PSEN1: variants seen among roughly 807,000 people sequenced by gnomAD.
The protein encoded by PSEN1 is presenilin-1.
In PSEN1, 15 loss-of-function variants were observed where a neutral mutation model predicts 53.5. The observed-to-expected ratio is 0.28, with a 90% CI of 0.19 to 0.43. PSEN1 has a LOEUF of 0.43. PSEN1 is among the 20% of genes least tolerant of loss of function. PSEN1 has a pLI of 1.00. For missense variants in PSEN1, 387 were observed against 571.2 expected (o/e 0.68, Z 3.29); for synonymous variants, 208 against 209.8 (o/e 0.99, Z 0.08).
chr14:73,142,433 G>T (rs575408589), intron 1 of PSEN1, among the ~76,000 whole-genome samples: 72 of 152,318 alleles, frequency 4.7e-4, no homozygotes, highest in South Asian at 1.2e-3. Context: ...CTTTGTGCTA[G>T]AGATCATGGT....
chr14:73,158,936 G>T (rs1293422539), intron 3 of PSEN1, among the ~76,000 whole-genome samples: 1 of 151,968 alleles, frequency 6.6e-6, no homozygotes, highest in Non-Finnish European at 1.5e-5. Context: ...TCTCATTTTG[G>T]TTTTAATTTA....
intron 5 of PSEN1, among the ~76,000 whole-genome samples, chr14:73,184,746 A>G (rs1162093779): frequency 1.3e-5 from 1 of 75,478 alleles, no homozygotes; most frequent in Non-Finnish European, 2.7e-5. Context: ...CGGGGGGCTG[A>G]CCCCCCCCAC....
Position 73,173,930 on chromosome 14 carries a change from A to G in PSEN1, c.480+223A>G, listed in dbSNP as rs214269. On this transcript the variant is annotated intron_variant, in intron 5 of 11. Transcript: ENST00000324501. ...GCTCAGAGGCTGAGGCAGGAGGATC[A>G]CTTGGGCCCAGGAGTTCACAAGCAG... The G allele has an allele frequency of 0.71, 452,017 of 636,800 alleles. 164,124 individuals are homozygous for G. Among genetic ancestry groups the G allele is most frequent in the African/African-American group, 0.93 (51,342 of 54,954 alleles). 39.4% of individuals were successfully genotyped at this position (636,800 alleles called of 1,614,324 possible). A position where few individuals can be genotyped will look rare whatever the true frequency, so the allele number is the denominator to read the frequency against.
chr14:73,151,465 A>T (rs60308291), intron 3 of PSEN1, among the ~76,000 whole-genome samples: 3 of 152,194 alleles, frequency 2.0e-5, no homozygotes, highest in Admixed American at 6.5e-5. Flanking sequence ...TATTACATCT[A>T]TCTCAGAAAA....
intron 8 of PSEN1, among the ~76,000 whole-genome samples, chr14:73,202,471 T>TATTTATA (rs1899265507): frequency 1.8e-5 from 1 of 56,490 alleles, no homozygotes; most frequent in African/African-American, 7.2e-5. Context: ...TATTTTTTTT[T>TATTTATA]TTTTTTTTTT....
chr14:73,163,330 C>T (rs994156460), intron 3 of PSEN1, among the ~76,000 whole-genome samples: 2 of 152,186 alleles, frequency 1.3e-5, no homozygotes, highest in Non-Finnish European at 2.9e-5. Context: ...GTAATCCCAG[C>T]ACTTCGGGAG....
At chr14:73,208,689 TG>T in intron 9 of PSEN1, 1 of 378,652 alleles carries the variant, frequency 2.6e-6, no homozygotes, top group South Asian at 2.0e-5. Context: ...GGTCCATGGG[TG>T]GCCATGAGCA....
intron 9 of PSEN1, among the ~76,000 whole-genome samples, chr14:73,207,584 C>G (rs1037295517): frequency 6.6e-6 from 1 of 152,210 alleles, no homozygotes; most frequent in Non-Finnish European, 1.5e-5. Context: ...AGATGTGAGT[C>G]TTTATTATAC....
At chr14:73,194,672 C>A (rs775735358) in intron 7 of PSEN1, among the ~76,000 whole-genome samples, 7 of 151,254 alleles carry the variant, frequency 4.6e-5, no homozygotes, top group Non-Finnish European at 7.4e-5. Flanking sequence ...AGGTTCATGC[C>A]GTTCTCCTGC....
intron 3 of PSEN1, among the ~76,000 whole-genome samples, chr14:73,163,406 T>G (rs1897615708): frequency 6.6e-6 from 1 of 152,214 alleles, no homozygotes; most frequent in African/African-American, 2.4e-5. Flanking sequence ...GGTGAAACTT[T>G]GTCTCTACAA....
At chr14:73,192,570 C>A in intron 6 of PSEN1, 74 bp from the exon 7 acceptor site, 2 of 1,022,182 alleles carry the variant, frequency 2.0e-6, no homozygotes, top group South Asian at 1.3e-5. Flanking sequence ...GTTTGGGAGC[C>A]ATCACATTAT....
intron 5 of PSEN1, among the ~76,000 whole-genome samples, chr14:73,178,174 C>T (rs1461020485): frequency 6.6e-6 from 1 of 151,376 alleles, no homozygotes; most frequent in African/African-American, 2.4e-5. Context: ...CCTGCCTGGG[C>T]CTCCCAAAGT....
In PSEN1 at chr14:73,160,969, CTTTTTTTTT is replaced by C. The variant is rs552718246; in HGVS notation, c.88-9817_88-9809del. Among the ~76,000 whole-genome samples, 3 of 91,664 alleles carry C rather than the reference CTTTTTTTTT, an allele frequency of 3.3e-5. No individual in the cohort carries two copies. The South Asian group carries it at 1.0e-3, about 32-fold the overall frequency. 60.1% of individuals were successfully genotyped at this position (91,664 alleles called of 152,430 possible). On this transcript the variant is annotated intron_variant, in intron 3 of 11. Coordinates refer to ENST00000324501, the MANE Select transcript of PSEN1 (RefSeq NM_000021.4). ...AATCTCTTACCAGATATATGATTTG[CTTTTTTTTT>C]TTTTTTTTTTCGATACAAGGTTTTA... is the stretch of plus-strand genomic sequence containing the variant.
At position 73,173,724 on chromosome 14, in the gene PSEN1, G is replaced by A. The variant is rs375376095; in HGVS notation, c.480+17G>A. The A allele has an allele frequency of 3.8e-5, 61 of 1,613,642 alleles. No individual in the cohort carries two copies. The highest frequency in any genetic ancestry group is 1.2e-4 in the Admixed American group (7 of 60,004). Reference sequence around the variant, plus strand: ...TGCTATAAGGTGAGCATGAGACACAGATCTTTGCTTTCCACCCTGTTCTTC... The same window carrying A: ...TGCTATAAGGTGAGCATGAGACACAAATCTTTGCTTTCCACCCTGTTCTTC... On this transcript the variant is annotated intron_variant, in intron 5 of 11. Transcript: ENST00000324501.
intron 9 of PSEN1, 117 bp from the exon 10 acceptor site, chr14:73,211,652 T>G (rs1899684921): frequency 9.4e-7 from 1 of 1,064,384 alleles, no homozygotes. Flanking sequence ...AGCCCATGCT[T>G]TGTGGTTTAA....
chr14:73,201,058 A>G (rs1899161026), intron 8 of PSEN1, among the ~76,000 whole-genome samples: 1 of 150,374 alleles, frequency 6.7e-6, no homozygotes, highest in Non-Finnish European at 1.5e-5. Flanking sequence ...CCACCCTCCC[A>G]AAAAAAGAGA....
intron 3 of PSEN1, among the ~76,000 whole-genome samples, chr14:73,156,812 G>A (rs918906103): frequency 1.7e-4 from 26 of 151,768 alleles, no homozygotes; most frequent in African/African-American, 5.3e-4. Flanking sequence ...ACAGGCGTCC[G>A]CCACCATGCC....
intron 5 of PSEN1, among the ~76,000 whole-genome samples, chr14:73,175,375 C>T (rs1390314278): frequency 6.6e-6 from 1 of 152,074 alleles, no homozygotes; most frequent in Admixed American, 6.5e-5. Flanking sequence ...GATCCACCCA[C>T]CTCGGCCTCG....
chr14:73,162,441 T>TTG (rs1555351976), intron 3 of PSEN1, among the ~76,000 whole-genome samples: 1 of 137,726 alleles, frequency 7.3e-6, no homozygotes, highest in East Asian at 2.2e-4. Context: ...TCTCGCTCGC[T>TTG]CGCGCGCTCT....
Sources: allele counts gnomAD v4.1 joint callset (sites outside exome capture counted in the v4.1 genomes callset), GRCh38; gene constraint gnomAD v4.1.1; transcripts MANE v1.5; gene names NCBI Gene and HGNC (gene_info 2026-07-23, HGNC 2026-07-21).